Variants in TTC7A observed in about 807,000 individuals in gnomAD.
The protein encoded by TTC7A is tetratricopeptide repeat protein 7A.
A neutral mutation model predicts 103.7 loss-of-function variants in TTC7A; 110 were observed. The ratio of observed to expected loss-of-function variants is 1.06; its 90% CI spans 0.91 to 1.24. The LOEUF is 1.24. Among genes scored for constraint, TTC7A ranks in the 50% most tolerant of loss-of-function variants. The pLI is 0.00. For missense variants in TTC7A, 1,340 were observed against 1,116.3 expected (o/e 1.20, Z -2.86); for synonymous variants, 521 against 467.9 (o/e 1.11, Z -1.47).
intron 13 of TTC7A, among the ~76,000 whole-genome samples, 199 bp downstream of exon 13, chr2:47,023,664 G>T (rs1056575564): frequency 1.3e-5 from 2 of 152,142 alleles, no homozygotes; most frequent in Non-Finnish European, 2.9e-5. Flanking sequence ...AGCTCTGGGG[G>T]GCTCCAGCAG....
At chr2:46,946,574 C>T (rs78541527) in intron 1 of TTC7A, among the ~76,000 whole-genome samples, 1 of 152,104 alleles carries the variant, frequency 6.6e-6, no homozygotes, top group Non-Finnish European at 1.5e-5. Flanking sequence ...TAGGCGTGTA[C>T]CTCTAACATC....
Position 47,006,701 on chromosome 2 carries a change from C to G in TTC7A, c.1264C>G (p.Leu422Val). ...GEFHLWYQVA[L>V]SMVACGKSAY... is the part of the protein sequence containing the mutation. ...ATTTCACCTTTGGTACCAGGTGGCC[C>G]TCTCCATGGTGGCTTGTGGGAAGGT... is the stretch of plus-strand genomic sequence containing the variant. Residue 422 changes from leucine (L) to valine (V), a missense_variant, in exon 10 of 20, where the codon CTC becomes GTC. By Grantham distance (32) the Leu-to-Val change is conservative. Coordinates refer to ENST00000319190, the MANE Select transcript of TTC7A (RefSeq NM_020458.4). 2 of 1,614,066 alleles carry G rather than the reference C, an allele frequency of 1.2e-6. No homozygotes were observed. Among genetic ancestry groups the G allele is most frequent in the South Asian group, 1.1e-5 (1 of 91,088 alleles).
chr2:46,962,601 T>C (rs539533090), intron 3 of TTC7A, among the ~76,000 whole-genome samples: 1 of 152,216 alleles, frequency 6.6e-6, no homozygotes, highest in African/African-American at 2.4e-5. Context: ...AGCAGCTGTT[T>C]GGAAGACCCC....
At chr2:47,038,589 T>C (rs1372864449) in intron 15 of TTC7A, among the ~76,000 whole-genome samples, 1 of 151,848 alleles carries the variant, frequency 6.6e-6, no homozygotes, top group Non-Finnish European at 1.5e-5. Context: ...TTTTAAGAGA[T>C]AATGCCCCTT....
In TTC7A at chr2:47,029,356, G is replaced by A. The variant is rs1272790430; in HGVS notation, c.1774G>A (p.Ala592Thr). Residue 592 changes from alanine (A) to threonine (T), a missense_variant, in exon 15 of 20, where the codon GCC becomes ACC. Transcript: ENST00000319190. ...GCATGCCCTGGATGTTGTCAACATGGCCATCACCGAGCACCCTGAGAACTT... is the reference window on the plus strand; with the variant it reads ...GCATGCCCTGGATGTTGTCAACATGACCATCACCGAGCACCCTGAGAACTT... ...HQHALDVVNM[A>T]ITEHPENFNL... 23 of 1,613,812 alleles carry A rather than the reference G, an allele frequency of 1.4e-5. No homozygotes were observed. The highest frequency in any genetic ancestry group is 1.9e-5 in the Non-Finnish European group (23 of 1,180,036).
chr2:46,940,733 G>GCGGGCCTGGGAA (rs1303664737), upstream of TTC7A, among the ~76,000 whole-genome samples: 2 of 152,170 alleles, frequency 1.3e-5, no homozygotes, highest in Non-Finnish European at 2.9e-5. This position sits in a 1 kb window ranked among gnomAD's most constrained non-coding sequence, Gnocchi z 4.7. Flanking sequence ...CCAGAGAGTC[G>GCGGGCCTGGGAA]CGGGCCTGGG....
At chr2:46,926,222 A>G (rs1339258249) in intron 2 of TTC7A, among the ~76,000 whole-genome samples, 1 of 152,154 alleles carries the variant, frequency 6.6e-6, no homozygotes, top group Non-Finnish European at 1.5e-5. Context: ...CTCAGAGTGG[A>G]GCAGTGCTAG....
At chr2:46,917,212 C>T in exon 2 of TTC7A, 2 of 701,690 alleles carry the variant, frequency 2.9e-6, no homozygotes, top group Non-Finnish European at 5.2e-6. Context: ...CCCAGCTCGT[C>T]TCGAACTCCT....
intron 3 of TTC7A, among the ~76,000 whole-genome samples, chr2:46,967,475 G>T (rs1029784525): frequency 2.0e-5 from 3 of 152,072 alleles, no homozygotes; most frequent in Non-Finnish European, 1.5e-5. Flanking sequence ...ATTTGATTAC[G>T]CAAGTACCTC....
chr2:46,962,574 G>A (rs1049720202), intron 3 of TTC7A, among the ~76,000 whole-genome samples: 4 of 152,252 alleles, frequency 2.6e-5, no homozygotes, highest in African/African-American at 9.6e-5. Context: ...CTCCTGGAGG[G>A]ATGCAGCTAG....
chr2:47,014,380 G>T (rs1170996784), intron 11 of TTC7A, among the ~76,000 whole-genome samples: 1 of 152,202 alleles, frequency 6.6e-6, no homozygotes, highest in Non-Finnish European at 1.5e-5. Flanking sequence ...TCCCTAGGTG[G>T]CACTGTAAAG....
At chr2:46,916,280 A>G (rs1668784609) in exon 1 of TTC7A, 4 of 656,516 alleles carry the variant, frequency 6.1e-6, no homozygotes, top group Non-Finnish European at 7.6e-6. Flanking sequence ...CCGGCCTTGG[A>G]CCCTACGTTT....
At chr2:46,955,222 C>T (rs898734501) in intron 2 of TTC7A, among the ~76,000 whole-genome samples, 20 of 151,350 alleles carry the variant, frequency 1.3e-4, no homozygotes, top group Admixed American at 9.2e-4. Context: ...AGACGCAGCC[C>T]GAGCAGGGAG....
chr2:46,924,253 A>T (rs916976811), intron 2 of TTC7A, among the ~76,000 whole-genome samples: 1 of 151,520 alleles, frequency 6.6e-6, no homozygotes, highest in African/African-American at 2.4e-5. Context: ...AAAAAATCTC[A>T]AAGTCCCTGT....
chr2:47,006,564 A>T, intron 9 of TTC7A, 77 bp from the exon 10 acceptor site: 2 of 1,320,158 alleles, frequency 1.5e-6, no homozygotes, highest in South Asian at 1.2e-5. Flanking sequence ...CTTGGGCAGT[A>T]ACTACCCTGG....
At chr2:46,920,464 G>C (rs1669045122) in intron 2 of TTC7A, among the ~76,000 whole-genome samples, 1 of 151,590 alleles carries the variant, frequency 6.6e-6, no homozygotes, top group South Asian at 2.1e-4. Flanking sequence ...CAAGTTGCTG[G>C]GATTACAGGC....
At chr2:47,023,357 G>T in intron 12 of TTC7A, 51 bp from the exon 13 acceptor site, 6 of 1,592,174 alleles carry the variant, frequency 3.8e-6, no homozygotes, top group Non-Finnish European at 4.3e-6. Context: ...GGGCTGGGCC[G>T]GCACCCTTCA....
chr2:47,000,910 A>G (rs1676740754), intron 8 of TTC7A, among the ~76,000 whole-genome samples: 2 of 152,120 alleles, frequency 1.3e-5, no homozygotes, highest in Non-Finnish European at 2.9e-5. Context: ...CAGTTCTTTT[A>G]TAAGCAGAGC....
rs1684974252 is a variant in TTC7A at position 47,073,724 on chromosome 2, G to A, written c.2378G>A (p.Gly793Asp). ...HSLGLMLSRLGHKSLAQKVLR... is the reference protein window; with the variant it reads ...HSLGLMLSRLDHKSLAQKVLR... Reference sequence around the variant, plus strand: ...CAGGGTCTGATGCTGAGTCGGCTGGGCCACAAGAGCTTGGCCCAGAAGGTG... The same window carrying A: ...CAGGGTCTGATGCTGAGTCGGCTGGACCACAAGAGCTTGGCCCAGAAGGTG... The change falls in exon 20 of 20, where the codon GGC becomes GAC. Residue 793 changes from glycine (G) to aspartate (D), a missense_variant. Coordinates refer to ENST00000319190, the MANE Select transcript of TTC7A (RefSeq NM_020458.4). 6.2e-7 allele frequency: 1 copy of A among 1,613,692 alleles called. No individual in the cohort carries two copies. Among genetic ancestry groups the A allele is most frequent in the Non-Finnish European group, 8.5e-7 (1 of 1,180,022 alleles).
Sources: gnomAD v4.1 joint callset for allele counts (sites outside exome capture counted in the v4.1 genomes callset) on GRCh38, gnomAD v4.1.1 for gene constraint, Gnocchi (gnomAD v3.1) non-coding constraint, MANE v1.5 for transcripts, NCBI Gene and HGNC (gene_info 2026-07-23, HGNC 2026-07-21) for gene names.